The following ODAD4 variants were observed in gnomAD, a reference collection of about 807,000 sequenced individuals.
ODAD4 encodes outer dynein arm-docking complex subunit 4.
In ODAD4, 49 loss-of-function variants were observed where a neutral mutation model predicts 51.8. The ratio of observed to expected loss-of-function variants is 0.95; its 90% CI spans 0.75 to 1.20. ODAD4 has a LOEUF of 1.20. Among genes scored for constraint, ODAD4 ranks in the 50% most tolerant of loss-of-function variants. ODAD4 has a pLI of 0.00. For synonymous variants in ODAD4, 235 were observed against 221.3 expected, an observed-to-expected ratio of 1.06 and a Z score of -0.55; for missense variants, 590 against 586.5, an observed-to-expected ratio of 1.01 and a Z score of -0.06.
intron 1 of ODAD4, among the ~76,000 whole-genome samples, chr17:41,933,746 G>A (rs534574870): frequency 1.3e-5 from 2 of 152,056 alleles, no homozygotes; most frequent in Admixed American, 6.5e-5. Context: ...CCCGGGACTC[G>A]GAGATTGCAG....
At chr17:41,942,629 G>A (rs139395676) in intron 7 of ODAD4, among the ~76,000 whole-genome samples, 2 of 152,274 alleles carry the variant, frequency 1.3e-5, no homozygotes, top group African/African-American at 4.8e-5. Flanking sequence ...CTTGGCAGGG[G>A]CCTCAGGGAA....
At chr17:41,939,851 C>T (rs2050482639) in intron 7 of ODAD4, among the ~76,000 whole-genome samples, 1 of 152,142 alleles carries the variant, frequency 6.6e-6, no homozygotes, top group Non-Finnish European at 1.5e-5. Context: ...GTGGAACTTG[C>T]ACCGCCCAGC....
rs529216801 is a variant in ODAD4 at position 41,955,021 on chromosome 17, T to C, written c.1343-196T>C. On this transcript the variant is annotated intron_variant, in intron 9 of 11. Transcript: ENST00000377540. Reference sequence around the variant, plus strand: ...CAGGTTCCTCAGTCCTGGTTCTCGATGGTGACATAGCCCAGGAACACGGTG... The same window carrying C: ...CAGGTTCCTCAGTCCTGGTTCTCGACGGTGACATAGCCCAGGAACACGGTG... 1.3e-4 allele frequency: 91 copies of C among 693,134 alleles called. 1 individual carries two copies. Among genetic ancestry groups the C allele is most frequent in the South Asian group, 1.2e-3 (81 of 68,680 alleles). 42.9% of individuals were successfully genotyped at this position (693,134 alleles called of 1,614,324 possible). A position where few individuals can be genotyped will look rare whatever the true frequency, so the allele number is the denominator to read the frequency against.
At chr17:41,937,364 T>G (rs1262235674) in intron 5 of ODAD4, among the ~76,000 whole-genome samples, 1 of 152,216 alleles carries the variant, frequency 6.6e-6, no homozygotes, top group African/African-American at 2.4e-5. Flanking sequence ...CAAGTTCTCC[T>G]TTTGTAGATA....
At position 41,961,250 on chromosome 17, in the gene ODAD4, T is replaced by C. The variant is rs181098399; in HGVS notation, c.1444-132T>C. ...TAGATTAACCTGAGGGTAGGGGTCA[T>C]TGGAGGGGCCAGAGGGAAACCAAGG... On this transcript the variant is annotated intron_variant, in intron 10 of 11. Coordinates refer to ENST00000377540, the MANE Select transcript of ODAD4 (RefSeq NM_031421.5). The C allele has an allele frequency of 6.6e-4, 407 of 620,702 alleles. 2 individuals carry two copies. The highest frequency in any genetic ancestry group is 4.9e-3 in the Middle Eastern group (12 of 2,436). The allele number at this position is 620,702 out of a possible 1,614,324, so 38.4% of individuals were successfully genotyped here.
intron 10 of ODAD4, among the ~76,000 whole-genome samples, chr17:41,958,228 C>T (rs1267489332): frequency 6.6e-6 from 1 of 152,112 alleles, no homozygotes; most frequent in Non-Finnish European, 1.5e-5. Context: ...CTTCTCTGAC[C>T]CCTCAGTCTG....
chr17:41,963,978 C>T lies in ODAD4; in HGVS notation c.1529-1015C>T, dbSNP rs189233867. On this transcript the variant is annotated intron_variant, in intron 11 of 11. Transcript: ENST00000377540. ...GTGGCGCGATCTCGGCTCACTACAACCTCCGCCTCCTAGGTTCAAGTGATT... is the reference window on the plus strand; with the variant it reads ...GTGGCGCGATCTCGGCTCACTACAATCTCCGCCTCCTAGGTTCAAGTGATT... Among the ~76,000 whole-genome samples, 52 of 152,032 alleles carry T rather than the reference C, an allele frequency of 3.4e-4. No individual in the cohort carries two copies. The East Asian group carries it at 7.5e-3, about 22-fold the overall frequency.
At chr17:41,930,881 C>CCTTT in intron 1 of ODAD4, 44 bp downstream of exon 1, 1 of 96,024 alleles carries the variant, frequency 1.0e-5, no homozygotes, top group Non-Finnish European at 1.9e-5. Context: ...TCACCCGTCA[C>CCTTT]TTTTTTTTTT....
chr17:41,960,137 C>T (rs945572005), intron 10 of ODAD4, among the ~76,000 whole-genome samples: 2 of 151,718 alleles, frequency 1.3e-5, no homozygotes, highest in African/African-American at 4.9e-5. Context: ...CTGCCAAGCT[C>T]AAATGTGTGC....
At chr17:41,952,540 CAAAAAAAAAAA>C (rs11369140) in intron 9 of ODAD4, 32 of 113,856 alleles carry the variant, frequency 2.8e-4, no homozygotes, top group South Asian at 7.8e-4. Context: ...ACCCTCACTC[CAAAAAAAAAAA>C]AAAAAAAAAA....
intron 11 of ODAD4, among the ~76,000 whole-genome samples, chr17:41,962,177 G>A (rs1356019949): frequency 2.0e-5 from 3 of 152,178 alleles, no homozygotes; most frequent in Admixed American, 2.0e-4. Context: ...GCTGTGGGGG[G>A]AAAGGGAGGC....
intron 8 of ODAD4, among the ~76,000 whole-genome samples, chr17:41,948,228 C>A (rs2050611980): frequency 6.6e-6 from 1 of 151,946 alleles, no homozygotes; most frequent in Non-Finnish European, 1.5e-5. Context: ...TAATTCTAAT[C>A]CTACTCTTTT....
At chr17:41,946,327 G>T (rs553709013) in intron 8 of ODAD4, among the ~76,000 whole-genome samples, 5 of 144,458 alleles carry the variant, frequency 3.5e-5, no homozygotes, top group South Asian at 2.1e-4. Context: ...ACTTTTTTTT[G>T]TTTGTTTGTT....
chr17:41,952,596 A>G (rs781831842), intron 9 of ODAD4: 1 of 443,566 alleles, frequency 2.3e-6, no homozygotes. Flanking sequence ...ATAATCCTGA[A>G]TGATTTACTC....
intron 10 of ODAD4, among the ~76,000 whole-genome samples, chr17:41,960,781 A>G (rs1348087991): frequency 6.6e-6 from 1 of 152,172 alleles, no homozygotes; most frequent in Non-Finnish European, 1.5e-5. Flanking sequence ...GAGTGCATCC[A>G]GGCCCCGGAG....
At chr17:41,963,078 A>G (rs1188073945) in intron 11 of ODAD4, among the ~76,000 whole-genome samples, 1 of 152,184 alleles carries the variant, frequency 6.6e-6, no homozygotes, top group Non-Finnish European at 1.5e-5. Flanking sequence ...GGAAGCAGCC[A>G]ACACCCCAGT....
rs782240104 is a variant in ODAD4, at chr17:41,945,143, C to T, written c.1066C>T (p.Pro356Ser). ...DLEIAKEYDL[P>S]DAKSRALDNI... is the part of the protein sequence containing the mutation. ...TTTGCTTCTTCCCCACAGTGACCTT[C>T]CTGATGCAAAATCGAGAGCCCTTGA... The change falls in exon 8 of 12, where the codon CCT (proline) becomes TCT (serine). Residue 356 changes from proline (P) to serine (S), a missense_variant. Transcript: ENST00000377540. 7 of 1,612,856 alleles carry T rather than the reference C, an allele frequency of 4.3e-6. No individual in the cohort carries two copies. Among genetic ancestry groups the T allele is most frequent in the Non-Finnish European group, 5.1e-6 (6 of 1,179,570 alleles).
At chr17:41,958,662 A>T (rs2050764787) in intron 10 of ODAD4, among the ~76,000 whole-genome samples, 1 of 143,232 alleles carries the variant, frequency 7.0e-6, no homozygotes, top group African/African-American at 2.5e-5. Context: ...CTCCATCTCA[A>T]AAAAAAAAAA....
chr17:41,947,384 C>T (rs1256292545), intron 8 of ODAD4, among the ~76,000 whole-genome samples: 13 of 151,842 alleles, frequency 8.6e-5, no homozygotes, highest in African/African-American at 2.9e-4. Flanking sequence ...ACACAGGAGG[C>T]TGAGGCAGGA....
Sources: allele counts gnomAD v4.1 joint callset (sites outside exome capture counted in the v4.1 genomes callset), GRCh38; gene constraint gnomAD v4.1.1; transcripts MANE v1.5; gene names NCBI Gene and HGNC (gene_info 2026-07-23, HGNC 2026-07-21).